EXOC4: variants seen among roughly 807,000 people sequenced by gnomAD.
EXOC4 encodes SEC8-like 1.
Under a neutral mutation model 107.2 loss-of-function variants are expected in EXOC4, and 71 were observed. The observed-to-expected ratio is 0.66, with a 90% CI of 0.55 to 0.81. The LOEUF (loss-of-function observed/expected upper bound fraction) is 0.81, where lower values mean the gene tolerates loss of function less well. Among genes scored for constraint, EXOC4 ranks in the 30% least tolerant of loss-of-function variants. The pLI is 0.00. For synonymous variants in EXOC4, 456 were observed against 441.2 expected, an observed-to-expected ratio of 1.03 and a Z score of -0.42; for missense variants, 1,108 against 1,189.6, an observed-to-expected ratio of 0.93 and a Z score of 1.01.
intron 9 of EXOC4, among the ~76,000 whole-genome samples, chr7:133,590,762 T>C (rs1283043380): frequency 1.3e-5 from 2 of 152,166 alleles, no homozygotes; most frequent in African/African-American, 4.8e-5. Context: ...TCGTCAGTAA[T>C]AAAATCCCTT....
downstream of EXOC4, among the ~76,000 whole-genome samples, chr7:134,069,379 C>CCTTCTCCGCCT (rs1288521822): frequency 6.9e-6 from 1 of 143,896 alleles, no homozygotes; most frequent in African/African-American, 2.6e-5. Flanking sequence ...CTCTTCTCCT[C>CCTTCTCCGCCT]CTTCTCCGCC....
intron 9 of EXOC4, among the ~76,000 whole-genome samples, chr7:133,540,674 G>T (rs759358174): frequency 1.3e-5 from 2 of 151,942 alleles, no homozygotes; most frequent in African/African-American, 2.4e-5. Context: ...AATAGCTTTG[G>T]GTCTCTTATT....
rs137925278 is a variant in EXOC4 at position 133,812,129 on chromosome 7, A to C, written c.1515-5196A>C. ...ACTAGGGATGATTAGATATGAAAATAAGGGAGCAAAGTGAAAAGTGAAAAA... is the reference window on the plus strand; with the variant it reads ...ACTAGGGATGATTAGATATGAAAATCAGGGAGCAAAGTGAAAAGTGAAAAA... On this transcript the variant is annotated intron_variant, in intron 10 of 17. Coordinates refer to ENST00000253861, the MANE Select transcript of EXOC4 (RefSeq NM_021807.4). Among the ~76,000 whole-genome samples, 1,463 of 152,254 alleles carry C rather than the reference A, an allele frequency of 9.6e-3. 9 individuals are homozygous for C. Among genetic ancestry groups the C allele is most frequent in the Middle Eastern group, 0.02 (6 of 294 alleles).
chr7:133,737,730 G>A (rs1346536567), intron 10 of EXOC4, among the ~76,000 whole-genome samples: 1 of 151,836 alleles, frequency 6.6e-6, no homozygotes. Context: ...GGTTTGTTTT[G>A]TTTTTTAATT....
At chr7:133,770,436 G>A (rs1796222604) in intron 10 of EXOC4, among the ~76,000 whole-genome samples, 2 of 151,874 alleles carry the variant, frequency 1.3e-5, no homozygotes, top group Admixed American at 6.6e-5. Context: ...AGTTGTTGCT[G>A]TAAACCATAA....
intron 14 of EXOC4, among the ~76,000 whole-genome samples, chr7:133,987,672 C>T (rs1417452427): frequency 3.3e-5 from 5 of 152,148 alleles, no homozygotes; most frequent in Non-Finnish European, 7.4e-5. Context: ...TCTTCACTGT[C>T]TTTTTCTATC....
At chr7:134,028,755 C>A (rs555914371) in intron 17 of EXOC4, among the ~76,000 whole-genome samples, 1 of 152,270 alleles carries the variant, frequency 6.6e-6, no homozygotes, top group East Asian at 1.9e-4. Context: ...CATCATGTGC[C>A]CTTAAAGTGT....
intron 10 of EXOC4, among the ~76,000 whole-genome samples, chr7:133,777,888 G>A (rs970985860): frequency 1.4e-4 from 22 of 152,084 alleles, no homozygotes; most frequent in Non-Finnish European, 8.8e-5. Context: ...ATCATGAGTC[G>A]TTATGAAGTT....
intron 10 of EXOC4, among the ~76,000 whole-genome samples, chr7:133,756,560 C>A (rs984842777): frequency 1.3e-5 from 2 of 152,126 alleles, no homozygotes; most frequent in African/African-American, 4.8e-5. Flanking sequence ...ACTGAGAATG[C>A]GGTGAAAGTT....
At chr7:133,952,566 T>C (rs1156679429) in intron 14 of EXOC4, among the ~76,000 whole-genome samples, 4 of 152,206 alleles carry the variant, frequency 2.6e-5, no homozygotes. Context: ...CATTATTGAG[T>C]AGCCATCACC....
the EXOC4 span, among the ~76,000 whole-genome samples, chr7:134,074,573 G>A: frequency 2.3e-3 from 357 of 152,332 alleles, 1 homozygote; most frequent in African/African-American, 8.2e-3. Flanking sequence ...GGAGCCAGAG[G>A]AGCAAAGGGA....
chr7:133,755,253 T>TTATA (rs1348564810), intron 10 of EXOC4, among the ~76,000 whole-genome samples: 2 of 100,000 alleles, frequency 2.0e-5, no homozygotes, highest in Admixed American at 1.1e-4. Flanking sequence ...AATATATATA[T>TTATA]TATATATATA....
chr7:133,796,712 C>T (rs548876032), intron 10 of EXOC4, among the ~76,000 whole-genome samples: 28 of 152,220 alleles, frequency 1.8e-4, no homozygotes, highest in Middle Eastern at 3.4e-3. Flanking sequence ...GAGCCGAGAT[C>T]GCGCCACTGC....
At chr7:133,280,449 T>C (rs1794106451) in intron 2 of EXOC4, among the ~76,000 whole-genome samples, 1 of 152,202 alleles carries the variant, frequency 6.6e-6, no homozygotes, top group African/African-American at 2.4e-5. Context: ...TGTGGTGTAC[T>C]AGGTGAATGA....
At position 133,485,121 on chromosome 7, in the gene EXOC4, T is replaced by A. The variant is rs189112839; in HGVS notation, c.1417+4983T>A. Among the ~76,000 whole-genome samples, 260 of 150,330 alleles carry A rather than the reference T, an allele frequency of 1.7e-3. 13 individuals carry two copies. In the East Asian group the frequency reaches 0.039, roughly 23 times the overall value. On this transcript the variant is annotated intron_variant, in intron 9 of 17. Transcript: ENST00000253861. ...AATAAATAAATAAATAAATAAATAA[T>A]TAAATAAATGAGTCAGTAATAAATA...
chr7:133,621,951 TTGTC>T (rs3045316), intron 9 of EXOC4, among the ~76,000 whole-genome samples: 147,885 of 151,238 alleles, frequency 0.98, 72,387 homozygotes, highest in South Asian at 1. Flanking sequence ...CTATTTTCTT[TTGTC>T]TGTCTGTCTG....
At chr7:133,631,343 A>G (rs1490712417) in intron 10 of EXOC4, among the ~76,000 whole-genome samples, 4 of 152,122 alleles carry the variant, frequency 2.6e-5, no homozygotes, top group African/African-American at 7.2e-5. Context: ...CTCCAAGCAT[A>G]AACAGTTTAT....
intron 10 of EXOC4, among the ~76,000 whole-genome samples, chr7:133,789,716 A>T (rs1233121751): frequency 1.3e-5 from 2 of 152,200 alleles, no homozygotes; most frequent in East Asian, 1.9e-4. Context: ...TTTCAAAGGG[A>T]AATTGTTATT....
chr7:133,285,090 C>T (rs2150539136), intron 2 of EXOC4, among the ~76,000 whole-genome samples: 1 of 152,242 alleles, frequency 6.6e-6, no homozygotes, highest in Non-Finnish European at 1.5e-5. Context: ...CATCCCACTA[C>T]ATCCTCTTCC....
Sources: gnomAD v4.1 joint callset for allele counts (sites outside exome capture counted in the v4.1 genomes callset) on GRCh38, gnomAD v4.1.1 for gene constraint, MANE v1.5 for transcripts, NCBI Gene and HGNC (gene_info 2026-07-23, HGNC 2026-07-21) for gene names.